The following SHISA9 variants were observed in gnomAD, a reference collection of about 807,000 sequenced individuals.
SHISA9 encodes shisa family member 9, also known as protein shisa-9.
Under a neutral mutation model 38.0 loss-of-function variants are expected in SHISA9, and 13 were observed. That is an observed-to-expected ratio of 0.34 (90% CI 0.22 to 0.54). The LOEUF is 0.54. SHISA9 is among the 20% of genes least tolerant of loss of function. The pLI is 0.91. For synonymous variants in SHISA9, 275 were observed against 242.0 expected, an observed-to-expected ratio of 1.14 and a Z score of -1.27; for missense variants, 538 against 575.8, an observed-to-expected ratio of 0.93 and a Z score of 0.67.
At chr16:13,365,921 C>G in the SHISA9 span, among the ~76,000 whole-genome samples, 3 of 152,106 alleles carry the variant, frequency 2.0e-5, no homozygotes, top group African/African-American at 7.2e-5. Flanking sequence ...AAATTAAGGA[C>G]AAGAATGGAA....
At chr16:13,333,810 A>G in the SHISA9 span, among the ~76,000 whole-genome samples, 1 of 152,046 alleles carries the variant, frequency 6.6e-6, no homozygotes, top group Non-Finnish European at 1.5e-5. Flanking sequence ...GGGAGGGGGA[A>G]TTTCTCCAGT....
chr16:13,088,581 G>T (rs1363721328), intron 2 of SHISA9, among the ~76,000 whole-genome samples: 1 of 152,166 alleles, frequency 6.6e-6, no homozygotes, highest in South Asian at 2.1e-4. Context: ...TAGCAGTTGT[G>T]AATGGGAGTT....
the SHISA9 span, among the ~76,000 whole-genome samples, chr16:13,388,014 C>T: frequency 7.2e-5 from 11 of 152,270 alleles, no homozygotes; most frequent in South Asian, 1.2e-3. Context: ...CGTGAAGCCT[C>T]TTCTACAAGC....
At chr16:13,492,996 C>T in the SHISA9 span, among the ~76,000 whole-genome samples, 7 of 152,136 alleles carry the variant, frequency 4.6e-5, no homozygotes, top group Non-Finnish European at 1.0e-4. Flanking sequence ...ATAGAAAGGG[C>T]CAGCTCCTGC....
the SHISA9 span, among the ~76,000 whole-genome samples, chr16:13,411,515 G>A: frequency 6.6e-6 from 1 of 152,228 alleles, no homozygotes; most frequent in Non-Finnish European, 1.5e-5. Flanking sequence ...CTAAAGGCTA[G>A]CAGTCCAGGC....
At chr16:12,966,312 C>A (rs577125700) in intron 2 of SHISA9, among the ~76,000 whole-genome samples, 1 of 150,042 alleles carries the variant, frequency 6.7e-6, no homozygotes, top group South Asian at 2.1e-4. Context: ...CTATCTCCTT[C>A]CTGGATCTTC....
At chr16:13,018,497 G>T (rs186014882) in intron 2 of SHISA9, among the ~76,000 whole-genome samples, 1 of 152,178 alleles carries the variant, frequency 6.6e-6, no homozygotes, top group East Asian at 1.9e-4. Flanking sequence ...CCTTTTACAA[G>T]CTGTAACTTT....
At chr16:13,482,996 G>T in the SHISA9 span, among the ~76,000 whole-genome samples, 1 of 152,168 alleles carries the variant, frequency 6.6e-6, no homozygotes, top group Non-Finnish European at 1.5e-5. Context: ...TTTACTGGGA[G>T]CCAAGAGCAG....
intron 2 of SHISA9, among the ~76,000 whole-genome samples, chr16:13,040,058 G>A (rs1006111161): frequency 2.6e-5 from 4 of 152,092 alleles, no homozygotes; most frequent in African/African-American, 9.7e-5. Context: ...TCCAAGTCAA[G>A]GCCTCCTCCC....
the SHISA9 span, among the ~76,000 whole-genome samples, chr16:13,385,805 A>T: frequency 2.6e-5 from 4 of 152,210 alleles, no homozygotes; most frequent in African/African-American, 7.2e-5. Flanking sequence ...ATACCATGAA[A>T]TACTACTCAG....
chr16:12,996,507 C>A (rs1304687809), intron 2 of SHISA9, among the ~76,000 whole-genome samples: 1 of 152,156 alleles, frequency 6.6e-6, no homozygotes, highest in Non-Finnish European at 1.5e-5. Flanking sequence ...CTGACTTGCC[C>A]ACTTTACCAG....
chr16:13,087,084 A>T (rs2073720091), intron 2 of SHISA9, among the ~76,000 whole-genome samples: 1 of 140,020 alleles, frequency 7.1e-6, no homozygotes, highest in Admixed American at 7.5e-5. Flanking sequence ...TGTCCTTGTG[A>T]TAGTTTGCTG....
chr16:12,917,033 C>T (rs148053104), intron 2 of SHISA9, among the ~76,000 whole-genome samples: 22 of 152,312 alleles, frequency 1.4e-4, no homozygotes, highest in African/African-American at 4.8e-4. Context: ...GTTGGTTTCA[C>T]ATGATTGATA....
chr16:13,066,254 G>A (rs1165713469), intron 2 of SHISA9, among the ~76,000 whole-genome samples: 1 of 152,236 alleles, frequency 6.6e-6, no homozygotes, highest in Non-Finnish European at 1.5e-5. Context: ...GACATGTAGT[G>A]TGAATCAGAA....
intron 2 of SHISA9, among the ~76,000 whole-genome samples, chr16:13,086,505 C>CA (rs1464829183): frequency 6.6e-6 from 1 of 151,552 alleles, no homozygotes; most frequent in Non-Finnish European, 1.5e-5. Flanking sequence ...GACCAGGATG[C>CA]AAAAAAAGGA....
chr16:13,049,153 A>G lies in SHISA9; in HGVS notation c.691+132338A>G, dbSNP rs544745815. Reference sequence around the variant, plus strand: ...GCTGCCATTCTAAGCTTTGGTTAGGAGTATGTGTGTGTGTGTGTGTGTGTG... The same window carrying G: ...GCTGCCATTCTAAGCTTTGGTTAGGGGTATGTGTGTGTGTGTGTGTGTGTG... On this transcript the variant is annotated intron_variant, in intron 2 of 4. Coordinates refer to ENST00000558583, the MANE Select transcript of SHISA9 (RefSeq NM_001145204.3). Among the ~76,000 whole-genome samples the G allele has an allele frequency of 4.6e-3, 640 of 138,528 alleles. 5 individuals are homozygous for G. The highest frequency in any genetic ancestry group is 0.016 in the African/African-American group (620 of 37,936). The allele number at this position is 138,528 out of a possible 152,430, so 90.9% of individuals were successfully genotyped here. A position where few individuals can be genotyped will look rare whatever the true frequency, so the allele number is the denominator to read the frequency against.
the SHISA9 span, among the ~76,000 whole-genome samples, chr16:13,510,091 AGGT>A: frequency 6.6e-6 from 1 of 152,124 alleles, no homozygotes; most frequent in South Asian, 2.1e-4. Context: ...AGATTACCTG[AGGT>A]CAGGAGTTCG....
the SHISA9 span, among the ~76,000 whole-genome samples, chr16:13,324,283 C>A: frequency 6.6e-6 from 1 of 152,220 alleles, no homozygotes; most frequent in South Asian, 2.1e-4. Flanking sequence ...GAATTGATTA[C>A]CCTTTCGTGA....
At chr16:13,188,480 G>T (rs2050850180) in intron 2 of SHISA9, among the ~76,000 whole-genome samples, 1 of 152,104 alleles carries the variant, frequency 6.6e-6, no homozygotes, top group Non-Finnish European at 1.5e-5. Flanking sequence ...CACTTTCAGA[G>T]GCCAACGTGA....
Sources: allele counts gnomAD v4.1 joint callset (sites outside exome capture counted in the v4.1 genomes callset), GRCh38; gene constraint gnomAD v4.1.1; transcripts MANE v1.5; gene names NCBI Gene and HGNC (gene_info 2026-07-23, HGNC 2026-07-21).